CPED1: variants seen among roughly 807,000 people sequenced by gnomAD.
The protein encoded by CPED1 is cadherin like and PC-esterase domain containing 1.
Under a neutral mutation model 128.2 loss-of-function variants are expected in CPED1, and 114 were observed. The observed-to-expected ratio is 0.89, with a 90% confidence interval of 0.76 to 1.04. The LOEUF (loss-of-function observed/expected upper bound fraction) is 1.04, where lower values mean the gene tolerates loss of function less well. Ranked by LOEUF, CPED1 falls within the 50% of genes least tolerant of loss-of-function variation. CPED1 has a pLI of 0.00. For missense variants in CPED1, 1,211 were observed against 1,207.1 expected, an observed-to-expected ratio of 1.00 and a Z score of -0.05; for synonymous variants, 462 against 426.7, an observed-to-expected ratio of 1.08 and a Z score of -1.02.
intron 21 of CPED1, among the ~76,000 whole-genome samples, chr7:121,268,028 T>C (rs2536150): frequency 0.21 from 31,629 of 151,880 alleles, 3,848 homozygotes; most frequent in African/African-American, 0.32. Context: ...ACAGGAGAAA[T>C]GGTAGGAAGT....
chr7:121,047,689 TTCTTCTTCTTCTTCTTCTTCTTCTTC>T (rs1563004897), intron 4 of CPED1, among the ~76,000 whole-genome samples: 3 of 103,590 alleles, frequency 2.9e-5, no homozygotes, highest in Admixed American at 1.9e-4. Context: ...CTTCTTCTTC[TTCTTCTTCTTCTTCTTCTTCTTCTTC>T]TTTTTTTTTT....
chr7:121,184,514 C>A (rs1796961687), intron 16 of CPED1, among the ~76,000 whole-genome samples: 1 of 152,114 alleles, frequency 6.6e-6, no homozygotes, highest in Admixed American at 6.6e-5. Flanking sequence ...TAGAAGGAAC[C>A]CATTTTTCCT....
intron 16 of CPED1, among the ~76,000 whole-genome samples, chr7:121,185,598 A>G (rs1487354672): frequency 6.6e-6 from 1 of 152,198 alleles, no homozygotes; most frequent in Admixed American, 6.6e-5. Flanking sequence ...TTTAGTATAA[A>G]GTGGATGGAG....
intron 16 of CPED1, among the ~76,000 whole-genome samples, chr7:121,223,936 G>T (rs1035436821): frequency 1.3e-4 from 19 of 146,094 alleles, no homozygotes; most frequent in Non-Finnish European, 2.4e-4. Context: ...TTTTTTTTTT[G>T]AAGGAATTTT....
chr7:121,070,006 G>T (rs79355331), intron 5 of CPED1, among the ~76,000 whole-genome samples: 1 of 152,062 alleles, frequency 6.6e-6, no homozygotes, highest in South Asian at 2.1e-4. Context: ...TGTATTCAAA[G>T]ATAGCATTTT....
At chr7:121,112,493 G>A (rs1037208643) in intron 7 of CPED1, among the ~76,000 whole-genome samples, 3 of 146,338 alleles carry the variant, frequency 2.1e-5, no homozygotes, top group Admixed American at 6.9e-5. Flanking sequence ...AACCAGAAGC[G>A]GAAAGAGGCA....
intron 16 of CPED1, among the ~76,000 whole-genome samples, chr7:121,163,138 C>G (rs1796448618): frequency 6.6e-6 from 1 of 152,182 alleles, no homozygotes. Context: ...AGTCTCAACT[C>G]TCCTCATGGA....
chr7:121,213,364 C>A (rs1358688138), intron 16 of CPED1, among the ~76,000 whole-genome samples: 1 of 152,008 alleles, frequency 6.6e-6, no homozygotes, highest in Non-Finnish European at 1.5e-5. Flanking sequence ...CAAACAGCTG[C>A]AAAGGTTCAA....
intron 2 of CPED1, among the ~76,000 whole-genome samples, chr7:120,995,935 TCCTCCTTCTTCTCCTC>T (rs1298142514): frequency 8.1e-5 from 11 of 136,058 alleles, no homozygotes; most frequent in Non-Finnish European, 1.1e-4. Flanking sequence ...CTCCTTCTCC[TCCTCCTTCTTCTCCTC>T]CTCCTCCTCC....
intron 22 of CPED1, among the ~76,000 whole-genome samples, chr7:121,289,027 C>T (rs1198671582): frequency 6.6e-6 from 1 of 152,076 alleles, no homozygotes; most frequent in Admixed American, 6.6e-5. Flanking sequence ...TTTAGAGTTG[C>T]CATATAACCA....
At chr7:121,238,290 C>T (rs1171931010) in intron 17 of CPED1, among the ~76,000 whole-genome samples, 1 of 152,148 alleles carries the variant, frequency 6.6e-6, no homozygotes, top group Non-Finnish European at 1.5e-5. Flanking sequence ...GCTCCTTAGC[C>T]TGAAAATTTG....
chr7:121,054,515 C>T (rs146007640), intron 4 of CPED1, among the ~76,000 whole-genome samples: 97 of 152,136 alleles, frequency 6.4e-4, no homozygotes, highest in East Asian at 3.7e-3. Context: ...AATATTCAGT[C>T]GAAATATTAT....
At chr7:121,161,865 T>C (rs574298697) in intron 16 of CPED1, among the ~76,000 whole-genome samples, 2 of 152,178 alleles carry the variant, frequency 1.3e-5, no homozygotes, top group South Asian at 2.1e-4. Context: ...CATAGCAGGA[T>C]AGTAGCAGTT....
intron 18 of CPED1, among the ~76,000 whole-genome samples, chr7:121,251,243 A>C (rs1798665134): frequency 6.6e-6 from 1 of 152,250 alleles, no homozygotes; most frequent in African/African-American, 2.4e-5. Context: ...GATGCAGAAA[A>C]GGCCTTTGAC....
intron 12 of CPED1, among the ~76,000 whole-genome samples, chr7:121,130,516 C>G (rs2116334454): frequency 6.6e-6 from 1 of 152,150 alleles, no homozygotes; most frequent in African/African-American, 2.4e-5. Flanking sequence ...TTTAAACCAA[C>G]AAGACTTGAC....
chr7:121,045,307 A>G (rs1460081263), intron 3 of CPED1, among the ~76,000 whole-genome samples: 1 of 152,150 alleles, frequency 6.6e-6, no homozygotes, highest in Non-Finnish European at 1.5e-5. Flanking sequence ...AGATACATCA[A>G]GCAAACAGAG....
At chr7:121,292,811 C>T (rs549861980) in intron 22 of CPED1, among the ~76,000 whole-genome samples, 1 of 152,266 alleles carries the variant, frequency 6.6e-6, no homozygotes, top group African/African-American at 2.4e-5. Flanking sequence ...GCTAGAGGTC[C>T]ACCCCAGGCC....
At chr7:121,158,556 T>C (rs1370661573) in intron 16 of CPED1, among the ~76,000 whole-genome samples, 6 of 151,996 alleles carry the variant, frequency 3.9e-5, no homozygotes, top group African/African-American at 1.2e-4. Context: ...CAGAGTCCCT[T>C]ATTAATCATC....
intron 16 of CPED1, among the ~76,000 whole-genome samples, chr7:121,235,376 A>G (rs1798228357): frequency 6.6e-6 from 1 of 152,132 alleles, no homozygotes; most frequent in Admixed American, 6.6e-5. Flanking sequence ...AGAAATGAAA[A>G]TATGTACACT....
Sources: allele counts gnomAD v4.1 joint callset (sites outside exome capture counted in the v4.1 genomes callset), GRCh38; gene constraint gnomAD v4.1.1; transcripts MANE v1.5; gene names NCBI Gene and HGNC (gene_info 2026-07-23, HGNC 2026-07-21).